Variants in MRAS observed in about 807,000 individuals in gnomAD.
The protein encoded by MRAS is muscle RAS oncogene homolog, also known as ras-related protein M-Ras.
Under a neutral mutation model 20.9 loss-of-function variants are expected in MRAS, and 4 were observed. The observed-to-expected ratio is 0.19, with a 90% CI of 0.09 to 0.44. The LOEUF is 0.44. Among genes scored for constraint, MRAS ranks in the 20% least tolerant of loss-of-function variants. The pLI is 0.99. For synonymous variants in MRAS, 98 were observed against 102.9 expected, an observed-to-expected ratio of 0.95 and a Z score of 0.29; for missense variants, 154 against 277.5, an observed-to-expected ratio of 0.56 and a Z score of 3.16.
At chr3:138,356,560 C>CT (rs2054338721) in intron 1 of MRAS, among the ~76,000 whole-genome samples, 1 of 152,228 alleles carries the variant, frequency 6.6e-6, no homozygotes, top group Non-Finnish European at 1.5e-5. Flanking sequence ...GCAAAGCCGT[C>CT]TTTCTTGGCC....
intron 2 of MRAS, among the ~76,000 whole-genome samples, chr3:138,385,413 T>C (rs1200030572): frequency 6.6e-6 from 1 of 151,190 alleles, no homozygotes; most frequent in Non-Finnish European, 1.5e-5. Flanking sequence ...TCCCAAAGTA[T>C]TGGGATTACA....
Position 138,380,603 on chromosome 3 carries a change from G to A in MRAS, c.193+7527G>A, listed in dbSNP as rs1030800093. On this transcript the variant is annotated intron_variant, in intron 2 of 5. Transcript: ENST00000423968. The stretch of plus-strand genomic sequence containing the variant: ...TGGGATTATAGGCGTGAGCCACCGC[G>A]CCCGGCTTCTACTTTCTGTCTCTAT... 9.2e-5 allele frequency among the ~76,000 whole-genome samples: 14 copies of A among 151,648 alleles called. No individual in the cohort carries two copies. The South Asian group carries it at 1.7e-3, about 18-fold the overall frequency.
intron 1 of MRAS, among the ~76,000 whole-genome samples, chr3:138,365,063 A>T (rs2054532030): frequency 6.6e-6 from 1 of 152,220 alleles, no homozygotes; most frequent in South Asian, 2.1e-4. Flanking sequence ...GTGTTGTTTC[A>T]GATCCCGACA....
intron 1 of MRAS, among the ~76,000 whole-genome samples, chr3:138,361,257 C>T (rs540520919): frequency 6.6e-6 from 1 of 152,104 alleles, no homozygotes; most frequent in Admixed American, 6.5e-5. Context: ...AGAGGCCATG[C>T]GAGGGGAAGG....
At chr3:138,371,745 C>T (rs1560171198) in intron 1 of MRAS, among the ~76,000 whole-genome samples, 1 of 152,184 alleles carries the variant, frequency 6.6e-6, no homozygotes, top group African/African-American at 2.4e-5. Context: ...TGGCTACAAC[C>T]TCCAAATTGT....
At chr3:138,387,697 C>T (rs2055045685) in intron 2 of MRAS, among the ~76,000 whole-genome samples, 1 of 152,180 alleles carries the variant, frequency 6.6e-6, no homozygotes, top group Admixed American at 6.5e-5. Flanking sequence ...GCTCTAGTTA[C>T]ACAGCTGAGA....
chr3:138,373,064 G>A lies in MRAS; in HGVS notation c.181G>A (p.Ala61Thr), dbSNP rs1157596507. ...ACATACGGAGATTGACAATCAATGG[G>A]CCATCTTGGACGGTGAGACCTGGGT... is the stretch of plus-strand genomic sequence containing the variant. Reference protein sequence around the residue: ...LKHTEIDNQWAILDVLDTAGQ... With the variant: ...LKHTEIDNQWTILDVLDTAGQ... Residue 61 changes from alanine to threonine, a missense_variant, in exon 2 of 6, where the codon GCC becomes ACC. This residue lies in a region of MRAS where 125 missense variants were observed against 213.5 expected (regional missense o/e 0.59). Coordinates refer to ENST00000423968, the MANE Select transcript of MRAS (RefSeq NM_001085049.3). 1 of 1,493,226 alleles carries A rather than the reference G, an allele frequency of 6.7e-7. No homozygotes were observed. The highest frequency in any genetic ancestry group is 1.4e-5 in the South Asian group (1 of 71,936). The allele number at this position is 1,493,226 out of a possible 1,614,324, so 92.5% of individuals were successfully genotyped here. A position where few individuals can be genotyped will look rare whatever the true frequency, so the allele number is the denominator to read the frequency against.
Position 138,402,427 on chromosome 3 carries a change from G to A in MRAS, c.*158G>A. 1 of 670,688 alleles carries A rather than the reference G, an allele frequency of 1.5e-6. No individual in the cohort carries two copies. Among genetic ancestry groups the A allele is most frequent in the Middle Eastern group, 4.2e-4 (1 of 2,388 alleles). The allele number at this position is 670,688 out of a possible 1,614,324, so 41.5% of individuals were successfully genotyped here. A position where few individuals can be genotyped will look rare whatever the true frequency, so the allele number is the denominator to read the frequency against. ...GGTGGGCAGGGAGCAGACAGGGTCT[G>A]GCTTTGCCCAGAGGGCACGGGCTTT... is the stretch of plus-strand genomic sequence containing the variant. On this transcript the variant is annotated 3_prime_UTR_variant, in exon 6 of 6. Transcript: ENST00000423968.
At chr3:138,352,930 A>G (rs2054257346) in intron 1 of MRAS, among the ~76,000 whole-genome samples, 1 of 152,120 alleles carries the variant, frequency 6.6e-6, no homozygotes, top group African/African-American at 2.4e-5. Context: ...CATGGGGATT[A>G]GATAAAATAT....
chr3:138,384,891 T>C (rs2054978633), intron 2 of MRAS, among the ~76,000 whole-genome samples: 3 of 152,174 alleles, frequency 2.0e-5, no homozygotes, highest in Non-Finnish European at 2.9e-5. Context: ...CTAAGCTGCA[T>C]GAGAGACCGG....
intron 2 of MRAS, among the ~76,000 whole-genome samples, chr3:138,386,508 A>T (rs2055018460): frequency 6.6e-6 from 1 of 151,986 alleles, no homozygotes; most frequent in African/African-American, 2.4e-5. Context: ...TTTGAGATGG[A>T]GTTTCACTCT....
intron 2 of MRAS, among the ~76,000 whole-genome samples, chr3:138,375,174 A>G (rs969760519): frequency 6.6e-6 from 1 of 152,194 alleles, no homozygotes; most frequent in African/African-American, 2.4e-5. Context: ...GGTGTGAGCC[A>G]CCATCCCTGG....
At chr3:138,398,412 A>G in intron 3 of MRAS, 57 bp from the exon 4 acceptor site, 1 of 1,450,650 alleles carries the variant, frequency 6.9e-7, no homozygotes, top group Admixed American at 1.7e-5. Context: ...GTGCCACCTT[A>G]ACCAGGTGTG....
At chr3:138,351,761 G>A (rs912929662) in intron 1 of MRAS, among the ~76,000 whole-genome samples, 6 of 152,196 alleles carry the variant, frequency 3.9e-5, no homozygotes, top group Admixed American at 2.6e-4. Flanking sequence ...GGGACAGGTA[G>A]CCATAAAGGC....
At chr3:138,362,683 T>C (rs1330182453) in intron 1 of MRAS, among the ~76,000 whole-genome samples, 1 of 152,146 alleles carries the variant, frequency 6.6e-6, no homozygotes, top group Non-Finnish European at 1.5e-5. Context: ...CTCCAGCACA[T>C]GTGAGGCCCA....
At chr3:138,378,705 G>C (rs1678442) in intron 2 of MRAS, among the ~76,000 whole-genome samples, 12,820 of 152,142 alleles carry the variant, frequency 0.084, 1,391 homozygotes, top group African/African-American at 0.25. Flanking sequence ...AGAGTTTTGT[G>C]TTTGTTTGTT....
intron 1 of MRAS, among the ~76,000 whole-genome samples, chr3:138,360,076 A>G (rs942088878): frequency 3.9e-5 from 6 of 152,202 alleles, no homozygotes; most frequent in Admixed American, 6.5e-5. Flanking sequence ...TCCTGTTTGC[A>G]CAGGCCCCAC....
chr3:138,356,264 A>T (rs1028519214), intron 1 of MRAS, among the ~76,000 whole-genome samples: 1 of 152,230 alleles, frequency 6.6e-6, no homozygotes, highest in Non-Finnish European at 1.5e-5. Context: ...ATTTGTGGGC[A>T]TGTGGATCTG....
At chr3:138,374,001 G>C (rs2054729700) in intron 2 of MRAS, among the ~76,000 whole-genome samples, 1 of 151,910 alleles carries the variant, frequency 6.6e-6, no homozygotes, top group Non-Finnish European at 1.5e-5. Context: ...CTGTCACCAG[G>C]TTGGTGGAGT....
Sources: allele counts gnomAD v4.1 joint callset (sites outside exome capture counted in the v4.1 genomes callset), GRCh38; gene constraint gnomAD v4.1.1; regional missense constraint gnomAD v4.1.1; transcripts MANE v1.5; gene names NCBI Gene and HGNC (gene_info 2026-07-23, HGNC 2026-07-21).